RYR1: variants seen among roughly 807,000 people sequenced by gnomAD.
RYR1 encodes the protein central core disease of muscle.
A neutral mutation model predicts 583.5 loss-of-function variants in RYR1; 342 were observed. The ratio of observed to expected loss-of-function variants is 0.59; its 90% CI spans 0.54 to 0.64. The LOEUF (loss-of-function observed/expected upper bound fraction) is 0.64, where lower values mean the gene tolerates loss of function less well. Ranked by LOEUF, RYR1 falls within the 30% of genes least tolerant of loss-of-function variation. The pLI is 0.00. For synonymous variants in RYR1, 2,791 were observed against 2,822.5 expected (o/e 0.99, Z 0.35); for missense variants, 6,032 against 6,917.2 (o/e 0.87, Z 4.54).
At chr19:38,502,039 C>T (rs558045695) in intron 47 of RYR1, among the ~76,000 whole-genome samples, 14 of 151,528 alleles carry the variant, frequency 9.2e-5, no homozygotes, top group African/African-American at 3.2e-4. Flanking sequence ...TCCCTGTAGT[C>T]CTAGCTACTA....
intron 37 of RYR1, 68 bp from the exon 38 acceptor site, chr19:38,492,422 A>G: frequency 6.4e-7 from 1 of 1,569,940 alleles, no homozygotes; most frequent in Non-Finnish European, 8.8e-7. Context: ...GCACAAATAA[A>G]TGAGTGTGTA....
intron 42 of RYR1, among the ~76,000 whole-genome samples, chr19:38,498,785 T>C (rs1969961532): frequency 6.6e-6 from 1 of 152,022 alleles, no homozygotes; most frequent in Admixed American, 6.6e-5. Flanking sequence ...TTGGTTTTGG[T>C]GGGTTTTGGC....
intron 20 of RYR1, among the ~76,000 whole-genome samples, chr19:38,462,604 AG>A (rs77215632): frequency 0.19 from 28,476 of 152,248 alleles, 2,894 homozygotes; most frequent in East Asian, 0.37. Flanking sequence ...ACCCTCTGCC[AG>A]GCATCGATAT....
chr19:38,470,700 A>G (rs1262946179), intron 27 of RYR1, among the ~76,000 whole-genome samples: 2 of 152,238 alleles, frequency 1.3e-5, no homozygotes, highest in East Asian at 3.9e-4. Context: ...CTGAGGTTGC[A>G]CCACTGCACT....
chr19:38,488,391 C>T (rs1969394354), intron 34 of RYR1, among the ~76,000 whole-genome samples: 1 of 152,120 alleles, frequency 6.6e-6, no homozygotes, highest in African/African-American at 2.4e-5. Context: ...GGGATTCATC[C>T]AGCCAGCCAT....
chr19:38,464,598 C>G lies in RYR1; in HGVS notation c.2787-41C>G, dbSNP rs144985735. 1,666 of 1,531,362 alleles carry G rather than the reference C, an allele frequency of 1.1e-3. 17 individuals carry two copies. The African/African-American group carries it at 0.021, about 19-fold the overall frequency. 94.9% of individuals were successfully genotyped at this position (1,531,362 alleles called of 1,614,324 possible). ...GTGGGAGGAGACGGGGCAGGGAGCT[C>G]TGAGGGGCGTGACCTGTCGCCTCCA... On this transcript the variant is annotated intron_variant, in intron 22 of 105. Transcript: ENST00000359596.
At position 38,582,177 on chromosome 19, in the gene RYR1, T is replaced by C. The variant is rs561106702; in HGVS notation, c.14646+1673T>C. On this transcript the variant is annotated intron_variant, in intron 101 of 105. Coordinates refer to ENST00000359596, the MANE Select transcript of RYR1 (RefSeq NM_000540.3). ...CTTTGGGGGGCTGAGGGGGGCAGAT[T>C]ACCTGAGGTTGGGAGTTTGAGACCG... Among the ~76,000 whole-genome samples, 7 of 152,100 alleles carry C rather than the reference T, an allele frequency of 4.6e-5. No individual in the cohort carries two copies. In the East Asian group the frequency reaches 1.2e-3, roughly 25 times the overall value.
At position 38,578,138 on chromosome 19, in the gene RYR1, C is replaced by A. The variant is rs794728693; in HGVS notation, c.14304-6C>A. The A allele has an allele frequency of 1.4e-5, 22 of 1,613,434 alleles. No individual in the cohort carries two copies. Among genetic ancestry groups the A allele is most frequent in the Non-Finnish European group, 1.9e-5 (22 of 1,179,794 alleles). On this transcript the variant is annotated splice_region_variant and splice_polypyrimidine_tract_variant and intron_variant, in intron 98 of 105. Coordinates refer to ENST00000359596, the MANE Select transcript of RYR1 (RefSeq NM_000540.3). ...CAAGCATCTCTCCCCACCCCCGCCCCCACAGGCTCATGTCCATCGATGTCA... is the reference window on the plus strand; with the variant it reads ...CAAGCATCTCTCCCCACCCCCGCCCACACAGGCTCATGTCCATCGATGTCA...
At chr19:38,470,831 T>C (rs1968384621) in intron 27 of RYR1, among the ~76,000 whole-genome samples, 1 of 152,122 alleles carries the variant, frequency 6.6e-6, no homozygotes, top group Admixed American at 6.6e-5. Context: ...TTTGGAAAGG[T>C]CCCTATTGGC....
chr19:38,575,521 G>A (rs180926458), intron 96 of RYR1, among the ~76,000 whole-genome samples: 7 of 152,076 alleles, frequency 4.6e-5, no homozygotes, highest in African/African-American at 1.7e-4. Flanking sequence ...AAAATTAGCC[G>A]GGCGTGGTGG....
At chr19:38,481,409 G>A (rs192233978) in intron 31 of RYR1, among the ~76,000 whole-genome samples, 26 of 152,130 alleles carry the variant, frequency 1.7e-4, no homozygotes, top group East Asian at 7.8e-4. Flanking sequence ...AATATAAAAC[G>A]TGCTGGGATT....
In RYR1 at chr19:38,455,694, G is replaced by A. The variant is rs1353354857; in HGVS notation, c.1734G>A (p.Gln578=). ...IESPEVLNII[Q]ENHIKSIISL... is the part of the protein sequence containing the mutation. The stretch of plus-strand genomic sequence containing the variant: ...GTCCAGAGGTTCTGAACATCATCCA[G>A]GAGAATCACATCAAGTCCATCATCT... The change falls in exon 16 of 106, where the codon CAG becomes CAA. Residue 578 remains glutamine (Q), a synonymous_variant. Transcript: ENST00000359596. 1.2e-6 allele frequency: 2 copies of A among 1,613,898 alleles called. No homozygotes were observed. The highest frequency in any genetic ancestry group is 1.7e-6 in the Non-Finnish European group (2 of 1,179,994).
intron 93 of RYR1, among the ~76,000 whole-genome samples, chr19:38,568,892 G>A (rs997330190): frequency 2.6e-5 from 4 of 152,178 alleles, no homozygotes; most frequent in Admixed American, 6.5e-5. Context: ...GTTCCTGGCC[G>A]TGCGAGGGGG....
Position 38,586,419 on chromosome 19 carries a change from G to C in RYR1, c.14970-106G>C, listed in dbSNP as rs1316811424. 14 of 1,257,886 alleles carry C rather than the reference G, an allele frequency of 1.1e-5. No homozygotes were observed. In the East Asian group the frequency reaches 3.0e-4, roughly 27 times the overall value. 77.9% of individuals were successfully genotyped at this position (1,257,886 alleles called of 1,614,324 possible). A position where few individuals can be genotyped will look rare whatever the true frequency, so the allele number is the denominator to read the frequency against. The stretch of plus-strand genomic sequence containing the variant: ...GAGGATTACTTGAGGCCAGGAGTTC[G>C]AGACCAGCTTGGGCAACATAGCAAG... On this transcript the variant is annotated intron_variant, in intron 104 of 105. Transcript: ENST00000359596.
intron 54 of RYR1, 36 bp downstream of exon 54, chr19:38,505,982 ATGGGG>A: frequency 6.5e-7 from 1 of 1,548,572 alleles, no homozygotes; most frequent in Non-Finnish European, 8.8e-7. Flanking sequence ...CAGGGGCACG[ATGGGG>A]GGAGGGTCTA....
chr19:38,466,906 A>G (rs114470725), intron 24 of RYR1, among the ~76,000 whole-genome samples: 1,776 of 152,242 alleles, frequency 0.012, 55 homozygotes, highest in African/African-American at 0.04. Context: ...TCGGAACCTG[A>G]TGGAACCACT....
chr19:38,528,022 C>T (rs1266472560), intron 73 of RYR1: 3 of 621,670 alleles, frequency 4.8e-6, no homozygotes, highest in Non-Finnish European at 8.4e-6. Flanking sequence ...GGGGTGGGGC[C>T]TAGAGGAGAT....
intron 79 of RYR1, 111 bp from the exon 80 acceptor site, chr19:38,535,030 C>A: frequency 8.5e-7 from 1 of 1,179,988 alleles, no homozygotes; most frequent in Non-Finnish European, 1.2e-6. Flanking sequence ...CACACCTTGG[C>A]ACACTCTTAA....
At chr19:38,578,523 C>T (rs1974059614) in intron 99 of RYR1, among the ~76,000 whole-genome samples, 1 of 152,214 alleles carries the variant, frequency 6.6e-6, no homozygotes. Context: ...GAGATCCTCT[C>T]TCTACAGAAA....
Sources: gnomAD v4.1 joint callset for allele counts (sites outside exome capture counted in the v4.1 genomes callset) on GRCh38, gnomAD v4.1.1 for gene constraint, MANE v1.5 for transcripts, NCBI Gene and HGNC (gene_info 2026-07-23, HGNC 2026-07-21) for gene names.